PTPRD: variants seen among roughly 807,000 people sequenced by gnomAD.
PTPRD encodes the protein protein tyrosine phosphatase receptor type D, also known as receptor-type tyrosine-protein phosphatase delta.
A neutral mutation model predicts 214.5 loss-of-function variants in PTPRD; 34 were observed. That is an observed-to-expected ratio of 0.16 (90% CI 0.12 to 0.21). PTPRD has a LOEUF of 0.21. Among genes scored for constraint, PTPRD ranks in the 10% least tolerant of loss-of-function variants. The pLI is 1.00. For synonymous variants in PTPRD, 1,128 were observed against 845.7 expected, an observed-to-expected ratio of 1.33 and a Z score of -5.79; for missense variants, 2,545 against 2,398.7, an observed-to-expected ratio of 1.06 and a Z score of -1.27.
At chr9:10,342,846 A>G (rs2096969019) in intron 2 of PTPRD, among the ~76,000 whole-genome samples, 1 of 152,126 alleles carries the variant, frequency 6.6e-6, no homozygotes, top group African/African-American at 2.4e-5. Context: ...TTACCAGCAT[A>G]TGTCCATCCA....
rs751046418 is a variant in PTPRD at position 8,528,783 on chromosome 9, C to T, written c.353-4G>A. On this transcript the variant is annotated splice_region_variant and splice_polypyrimidine_tract_variant and intron_variant, in intron 14 of 45. Transcript: ENST00000381196. ...AAGCCCCTGGGAATTTGATCTTCTG[C>T]AAGACAAAAGGTGATAGAAACATTC... is the stretch of plus-strand genomic sequence containing the variant. The T allele has an allele frequency of 2.5e-6, 4 of 1,612,746 alleles. No homozygotes were observed. In the East Asian group the frequency reaches 6.7e-5, roughly 27 times the overall value.
intron 7 of PTPRD, among the ~76,000 whole-genome samples, chr9:9,576,629 G>C (rs1196197800): frequency 6.6e-6 from 1 of 152,068 alleles, no homozygotes; most frequent in African/African-American, 2.4e-5. Context: ...TTAAATTTTG[G>C]TTAAATGTTA....
intron 3 of PTPRD, among the ~76,000 whole-genome samples, chr9:10,273,265 T>C (rs757569975): frequency 2.6e-5 from 4 of 152,160 alleles, no homozygotes; most frequent in Non-Finnish European, 5.9e-5. Context: ...CCTCAGTTTA[T>C]AGATCTCTGA....
chr9:9,104,968 C>T (rs935727324), intron 10 of PTPRD, among the ~76,000 whole-genome samples: 4 of 152,102 alleles, frequency 2.6e-5, no homozygotes, highest in African/African-American at 7.2e-5. Context: ...GTGCACAACA[C>T]AGAAAGTAAA....
chr9:10,351,115 G>A (rs2097174688), intron 2 of PTPRD, among the ~76,000 whole-genome samples: 1 of 152,074 alleles, frequency 6.6e-6, no homozygotes, highest in Non-Finnish European at 1.5e-5. Flanking sequence ...TTTATAAAGT[G>A]TTAAAGAATT....
At chr9:10,600,702 G>GTATAAT (rs1341640525) in intron 2 of PTPRD, among the ~76,000 whole-genome samples, 1 of 151,774 alleles carries the variant, frequency 6.6e-6, no homozygotes, top group East Asian at 1.9e-4. Flanking sequence ...TCAATTTGTT[G>GTATAAT]TGCAGAATAA....
chr9:9,383,161 T>C (rs1441711791), intron 9 of PTPRD, among the ~76,000 whole-genome samples: 1 of 152,196 alleles, frequency 6.6e-6, no homozygotes, highest in East Asian at 1.9e-4. Flanking sequence ...GATTTGGCAC[T>C]TTTCAGGTTT....
chr9:10,199,421 C>T (rs1461510358), intron 3 of PTPRD, among the ~76,000 whole-genome samples: 1 of 151,994 alleles, frequency 6.6e-6, no homozygotes, highest in Non-Finnish European at 1.5e-5. Context: ...ACAGTACTCA[C>T]ATGATACCTG....
At chr9:9,704,984 G>A (rs912254763) in intron 7 of PTPRD, among the ~76,000 whole-genome samples, 2 of 152,070 alleles carry the variant, frequency 1.3e-5, no homozygotes, top group Non-Finnish European at 2.9e-5. Context: ...TAAATTTTGG[G>A]GTAGTTTGTT....
At position 8,960,616 on chromosome 9, in the gene PTPRD, TC is replaced by T. The variant is rs146037794; in HGVS notation, c.-104+58080del. Reference sequence around the variant, plus strand: ...AAGAAAGCATTCTAGCTGCCCTAGCTCCATTTTAAAGATCTGTTAGTCCTGA... The same window carrying T: ...AAGAAAGCATTCTAGCTGCCCTAGCTCATTTTAAAGATCTGTTAGTCCTGA... On this transcript the variant is annotated intron_variant, in intron 11 of 45. Transcript: ENST00000381196. Among the ~76,000 whole-genome samples the T allele has an allele frequency of 5.3e-3, 806 of 152,196 alleles. 2 individuals carry two copies. Among genetic ancestry groups the T allele is most frequent in the African/African-American group, 0.011 (446 of 41,552 alleles).
chr9:9,039,648 T>C (rs2154382497), intron 10 of PTPRD, among the ~76,000 whole-genome samples: 1 of 152,330 alleles, frequency 6.6e-6, no homozygotes, highest in Admixed American at 6.5e-5. Context: ...TCTGTCCCTT[T>C]ACAGAAGTAG....
chr9:9,988,670 C>A (rs534511136), intron 4 of PTPRD, among the ~76,000 whole-genome samples: 1 of 151,808 alleles, frequency 6.6e-6, no homozygotes, highest in African/African-American at 2.4e-5. Context: ...TATTAAAAAA[C>A]CCCAGAGTAA....
Position 8,317,718 on chromosome 9 carries a change from ATAATTTGTTTTTAATTTGTTTTGTGTG to A in PTPRD, c.*129_*155del. ...ACTGTGAATTCTTGGTCCACCTGGA[ATAATTTGTTTTTAATTTGTTTTGTGTG>A]TAATAGTCCCACTAAGTAGTTGTTA... On this transcript the variant is annotated 3_prime_UTR_variant, in exon 46 of 46. Transcript: ENST00000381196. 1 of 570,222 alleles carries A rather than the reference ATAATTTGTTTTTAATTTGTTTTGTGTG, an allele frequency of 1.8e-6. No individual in the cohort carries two copies. Among genetic ancestry groups the A allele is most frequent in the East Asian group, 2.7e-5 (1 of 37,698 alleles). The allele number at this position is 570,222 out of a possible 1,614,324, so 35.3% of individuals were successfully genotyped here.
intron 5 of PTPRD, among the ~76,000 whole-genome samples, chr9:9,816,470 C>G (rs903410749): frequency 6.6e-6 from 1 of 151,888 alleles, no homozygotes; most frequent in African/African-American, 2.4e-5. Flanking sequence ...ACATAAATCT[C>G]ACTATTTGAA....
chr9:9,780,248 G>T (rs1383470976), intron 5 of PTPRD, among the ~76,000 whole-genome samples: 3 of 152,100 alleles, frequency 2.0e-5, no homozygotes, highest in South Asian at 4.1e-4. Context: ...AGACACTGCA[G>T]ATTCCAAGAG....
intron 34 of PTPRD, among the ~76,000 whole-genome samples, chr9:8,440,973 G>A (rs1336379169): frequency 6.6e-6 from 1 of 152,084 alleles, no homozygotes; most frequent in Non-Finnish European, 1.5e-5. Context: ...CATGCAGCTT[G>A]GGCATCTTTC....
At chr9:8,826,304 A>G (rs904091342) in intron 11 of PTPRD, among the ~76,000 whole-genome samples, 1 of 152,074 alleles carries the variant, frequency 6.6e-6, no homozygotes, top group Non-Finnish European at 1.5e-5. Flanking sequence ...AATAATTTAT[A>G]TATTTTTTAA....
chr9:9,630,167 AC>A (rs2095545822), intron 7 of PTPRD, among the ~76,000 whole-genome samples: 1 of 152,350 alleles, frequency 6.6e-6, no homozygotes, highest in African/African-American at 2.4e-5. Flanking sequence ...CAGGTCTTTT[AC>A]AGGACTTACA....
chr9:8,964,344 T>C (rs910412322), intron 11 of PTPRD, among the ~76,000 whole-genome samples: 2 of 151,960 alleles, frequency 1.3e-5, no homozygotes, highest in African/African-American at 2.4e-5. Context: ...TTCATGTCCA[T>C]AGAGTTGTTC....
Sources: gnomAD v4.1 joint callset for allele counts (sites outside exome capture counted in the v4.1 genomes callset) on GRCh38, gnomAD v4.1.1 for gene constraint, MANE v1.5 for transcripts, NCBI Gene and HGNC (gene_info 2026-07-23, HGNC 2026-07-21) for gene names.